The following TCF4 variants were observed in gnomAD, a reference collection of about 807,000 sequenced individuals.
TCF4 encodes the protein transcription factor 4.
Under a neutral mutation model 82.1 loss-of-function variants are expected in TCF4, and 3 were observed. The observed-to-expected ratio is 0.04, with a 90% CI of 0.02 to 0.09. The LOEUF is 0.09. TCF4 is among the 10% of genes least tolerant of loss of function. TCF4 has a pLI of 1.00. For missense variants in TCF4, 518 were observed against 852.7 expected, an observed-to-expected ratio of 0.61 and a Z score of 4.89; for synonymous variants, 276 against 309.6, an observed-to-expected ratio of 0.89 and a Z score of 1.14.
At chr18:55,569,271 G>A (rs752514041) in intron 3 of TCF4, among the ~76,000 whole-genome samples, 1 of 149,068 alleles carries the variant, frequency 6.7e-6, no homozygotes, top group Non-Finnish European at 1.5e-5. Context: ...AAATTGTCTT[G>A]AGTCACACAT....
chr18:55,416,085 T>C (rs1210455025), intron 5 of TCF4, among the ~76,000 whole-genome samples: 1 of 152,090 alleles, frequency 6.6e-6, no homozygotes, highest in African/African-American at 2.4e-5. Flanking sequence ...TGCTTTGGGG[T>C]TTACAGTAGG....
At position 55,459,613 on chromosome 18, in the gene TCF4, T is replaced by A. The variant is rs75097747; in HGVS notation, c.304+1406A>T. On this transcript the variant is annotated intron_variant, in intron 5 of 19. Coordinates refer to ENST00000354452, the MANE Select transcript of TCF4 (RefSeq NM_001083962.2). ...AATAGAGAAGCAAGGGTGTTAGAAA[T>A]AAAATCATAACTATTGACACTGAAG... Among the ~76,000 whole-genome samples, 672 of 152,288 alleles carry A rather than the reference T, an allele frequency of 4.4e-3. 10 individuals carry two copies. Among genetic ancestry groups the A allele is most frequent in the African/African-American group, 0.015 (642 of 41,560 alleles).
intron 15 of TCF4, among the ~76,000 whole-genome samples, chr18:55,242,921 T>A (rs997775220): frequency 3.9e-5 from 6 of 152,182 alleles, no homozygotes; most frequent in Non-Finnish European, 5.9e-5. Context: ...GCACTGATAT[T>A]TTAATGATGG....
intron 6 of TCF4, among the ~76,000 whole-genome samples, chr18:55,369,646 G>C (rs1040647279): frequency 1.3e-5 from 2 of 152,138 alleles, no homozygotes; most frequent in African/African-American, 4.8e-5. Context: ...CACCTGCACA[G>C]GTGCTCATCA....
At chr18:55,364,499 C>T (rs747975908) in intron 6 of TCF4, among the ~76,000 whole-genome samples, 14 of 152,172 alleles carry the variant, frequency 9.2e-5, no homozygotes, top group Non-Finnish European at 1.3e-4. Context: ...CTGGCAAATT[C>T]TGTGGTTTAT....
At chr18:55,340,544 A>G (rs966203297) in intron 8 of TCF4, among the ~76,000 whole-genome samples, 15 of 145,908 alleles carry the variant, frequency 1.0e-4, no homozygotes, top group African/African-American at 3.5e-4. Flanking sequence ...TGATTGCACC[A>G]CTGTACTCCA....
At chr18:55,433,358 CATAG>C (rs2095253421) in intron 5 of TCF4, among the ~76,000 whole-genome samples, 1 of 152,222 alleles carries the variant, frequency 6.6e-6, no homozygotes, top group South Asian at 2.1e-4. Flanking sequence ...GTGTTTGGCA[CATAG>C]ATAACTAGCA....
chr18:55,266,368 TTGAAGAAC>T (rs1231332733), intron 11 of TCF4: 1 of 152,144 alleles, frequency 6.6e-6, no homozygotes, highest in Non-Finnish European at 1.5e-5. Flanking sequence ...TTGAAAAAGT[TTGAAGAAC>T]TGAGTAGAAG....
chr18:55,430,663 C>A (rs1326842129), intron 5 of TCF4, among the ~76,000 whole-genome samples: 1 of 151,606 alleles, frequency 6.6e-6, no homozygotes, highest in Non-Finnish European at 1.5e-5. Context: ...GAGTAGTGAG[C>A]GAAACAGAAG....
rs749844142 is a variant in TCF4, at chr18:55,338,699, T to TC, written c.549+11659dup. ...GGAGGAAGATGAGAGTGAAGTATTC[T>TC]CCCCCCCACAACAAATTCTGATTTA... On this transcript the variant is annotated intron_variant, in intron 8 of 19. Coordinates refer to ENST00000354452, the MANE Select transcript of TCF4 (RefSeq NM_001083962.2). Among the ~76,000 whole-genome samples the TC allele has an allele frequency of 9.2e-5, 14 of 152,126 alleles. 1 individual carries two copies. The highest frequency in any genetic ancestry group is 4.2e-4 in the South Asian group (2 of 4,816).
At chr18:55,293,930 A>AATTTTTTTTTTTTTTTTTTTTTTT (rs1568769774) in intron 8 of TCF4, among the ~76,000 whole-genome samples, 1 of 22,660 alleles carries the variant, frequency 4.4e-5, no homozygotes, top group African/African-American at 1.1e-4. Context: ...CTTTCCAAGG[A>AATTTTTTTTTTTTTTTTTTTTTTT]CTTTTTTTTT....
At chr18:55,464,569 C>T (rs749784048) in intron 3 of TCF4, among the ~76,000 whole-genome samples, 9 of 152,190 alleles carry the variant, frequency 5.9e-5, no homozygotes, top group Non-Finnish European at 1.3e-4. Context: ...CCTTTTTGTT[C>T]CATAGCCCAG....
chr18:55,554,976 A>G (rs1260278513), intron 3 of TCF4, among the ~76,000 whole-genome samples: 1 of 152,210 alleles, frequency 6.6e-6, no homozygotes, highest in Non-Finnish European at 1.5e-5. Context: ...TATTCAATTC[A>G]AAAAATACTT....
At chr18:55,380,429 C>T (rs372493971) in intron 6 of TCF4, among the ~76,000 whole-genome samples, 2 of 152,080 alleles carry the variant, frequency 1.3e-5, no homozygotes, top group African/African-American at 2.4e-5. Context: ...CGTCCCCCAC[C>T]GCTGACAGGC....
intron 16 of TCF4, chr18:55,234,284 ATT>A: frequency 1.7e-6 from 1 of 577,492 alleles, no homozygotes; most frequent in Non-Finnish European, 3.1e-6. Context: ...CTAAAATAAA[ATT>A]TCCTCTCATC....
intron 6 of TCF4, among the ~76,000 whole-genome samples, chr18:55,355,723 T>C (rs73490839): frequency 0.031 from 4,744 of 152,280 alleles, 99 homozygotes; most frequent in Non-Finnish European, 0.036. Context: ...AGGACTTGGG[T>C]AACTTACAAA....
Position 55,273,395 on chromosome 18 carries a change from T to C in TCF4, c.789+2224A>G, listed in dbSNP as rs1054750239. 8.5e-5 allele frequency among the ~76,000 whole-genome samples: 13 copies of C among 152,292 alleles called. No homozygotes were observed. The East Asian group carries it at 1.2e-3, about 14-fold the overall frequency. On this transcript the variant is annotated intron_variant, in intron 10 of 19. Transcript: ENST00000354452. The stretch of plus-strand genomic sequence containing the variant: ...TCTTAAACTATCCCTTTGTTCAGTA[T>C]GGGGCTAGCCAGATGCTAAGAATAA...
intron 8 of TCF4, among the ~76,000 whole-genome samples, chr18:55,348,640 A>C (rs1320687217): frequency 6.6e-6 from 1 of 152,194 alleles, no homozygotes; most frequent in Non-Finnish European, 1.5e-5. Flanking sequence ...GAAATACTTA[A>C]ACATTTACAA....
At chr18:55,616,644 A>G (rs1454832487) in intron 2 of TCF4, among the ~76,000 whole-genome samples, 1 of 152,044 alleles carries the variant, frequency 6.6e-6, no homozygotes, top group Admixed American at 6.6e-5. Context: ...TTTTTTTAAT[A>G]ATTGCCATCC....
Sources: allele counts gnomAD v4.1 joint callset (sites outside exome capture counted in the v4.1 genomes callset), GRCh38; gene constraint gnomAD v4.1.1; transcripts MANE v1.5; gene names NCBI Gene and HGNC (gene_info 2026-07-23, HGNC 2026-07-21).